CUEDC1: variants seen among roughly 807,000 people sequenced by gnomAD.
CUEDC1 encodes the protein CUE domain-containing protein 1.
Under a neutral mutation model 43.7 loss-of-function variants are expected in CUEDC1, and 30 were observed. That is an observed-to-expected ratio of 0.69 (90% CI 0.51 to 0.93). The LOEUF is 0.93. Ranked by LOEUF, CUEDC1 falls within the 40% of genes least tolerant of loss-of-function variation. The pLI, the probability that CUEDC1 is intolerant of heterozygous loss-of-function variation, is 0.00. For synonymous variants in CUEDC1, 223 were observed against 223.6 expected, an observed-to-expected ratio of 1.00 and a Z score of 0.02; for missense variants, 486 against 549.0, an observed-to-expected ratio of 0.89 and a Z score of 1.15.
intron 1 of CUEDC1, among the ~76,000 whole-genome samples, chr17:57,946,042 T>C (rs530854827): frequency 6.6e-6 from 1 of 152,126 alleles, no homozygotes; most frequent in Admixed American, 6.6e-5. Context: ...GTAATATTAT[T>C]ACTCCCACTG....
intron 1 of CUEDC1, among the ~76,000 whole-genome samples, chr17:57,896,487 G>GGGGGTGTGT (rs375270781): frequency 3.8e-4 from 49 of 130,370 alleles, no homozygotes; most frequent in Admixed American, 2.0e-3. Flanking sequence ...TGCATTATGG[G>GGGGGTGTGT]GTGTGTGTGT....
At chr17:57,914,150 C>G (rs1024416076) in intron 1 of CUEDC1, among the ~76,000 whole-genome samples, 2 of 152,160 alleles carry the variant, frequency 1.3e-5, no homozygotes, top group African/African-American at 4.8e-5. Flanking sequence ...CAGCATAGAG[C>G]AGGCAAGGAA....
chr17:57,914,301 C>G (rs531574398), intron 1 of CUEDC1, among the ~76,000 whole-genome samples: 1 of 152,256 alleles, frequency 6.6e-6, no homozygotes, highest in African/African-American at 2.4e-5. Context: ...GAGAGAGAAG[C>G]CTGAGACACA....
chr17:57,943,172 G>C (rs1460480099), intron 1 of CUEDC1, among the ~76,000 whole-genome samples: 4 of 152,196 alleles, frequency 2.6e-5, no homozygotes, highest in Non-Finnish European at 1.5e-5. Context: ...TGGTGACAGT[G>C]GCAGTGACCG....
rs879685950 is a variant in CUEDC1, at chr17:57,954,246, G to A, written c.-316+979C>T. On this transcript the variant is annotated intron_variant, in intron 1 of 10. Coordinates refer to ENST00000577830, the MANE Select transcript of CUEDC1 (RefSeq NM_001271875.2). This position sits in a 1 kb window ranked among gnomAD's most constrained non-coding sequence, Gnocchi z 4.3. ...AAGACGCTGACTGCGGATCAGGTGG[G>A]GAGCACGGTGGATGGTCTTCTTGTA... 6.6e-6 allele frequency among the ~76,000 whole-genome samples: 1 copy of A among 152,110 alleles called. No individual in the cohort carries two copies. The highest frequency in any genetic ancestry group is 1.5e-5 in the Non-Finnish European group (1 of 68,020).
intron 1 of CUEDC1, among the ~76,000 whole-genome samples, chr17:57,928,870 T>C (rs2074776159): frequency 6.6e-6 from 1 of 151,912 alleles, no homozygotes; most frequent in South Asian, 2.1e-4. Context: ...TTTCCTACTC[T>C]GTGTTTATTA....
At chr17:57,903,917 C>CAG (rs762657692) in intron 1 of CUEDC1, among the ~76,000 whole-genome samples, 10 of 147,268 alleles carry the variant, frequency 6.8e-5, no homozygotes, top group South Asian at 4.3e-4. Context: ...GCCTGGGTGA[C>CAG]AGAGAGAGAG....
intron 1 of CUEDC1, among the ~76,000 whole-genome samples, chr17:57,894,404 C>T (rs1016048892): frequency 2.0e-5 from 3 of 152,222 alleles, no homozygotes; most frequent in Non-Finnish European, 2.9e-5. Flanking sequence ...GGCTTGGTGG[C>T]TCATGCCTGT....
At chr17:57,916,781 C>T (rs2074646728) in intron 1 of CUEDC1, among the ~76,000 whole-genome samples, 2 of 152,222 alleles carry the variant, frequency 1.3e-5, no homozygotes, top group Non-Finnish European at 2.9e-5. Context: ...ACAGTGAGCA[C>T]TTACTTTACA....
At chr17:57,901,009 G>C (rs1354068052) in intron 1 of CUEDC1, among the ~76,000 whole-genome samples, 1 of 152,178 alleles carries the variant, frequency 6.6e-6, no homozygotes, top group Non-Finnish European at 1.5e-5. Context: ...TATTAAATCA[G>C]AATCTCTGAG....
intron 3 of CUEDC1, 117 bp downstream of exon 3, chr17:57,879,494 G>A: frequency 7.8e-7 from 1 of 1,285,628 alleles, no homozygotes; most frequent in East Asian, 3.3e-5. Flanking sequence ...TGCAGTAGAA[G>A]CCTGTTCTTT....
At chr17:57,928,502 T>C (rs562989678) in intron 1 of CUEDC1, among the ~76,000 whole-genome samples, 104 of 138,958 alleles carry the variant, frequency 7.5e-4, no homozygotes, top group African/African-American at 2.8e-3. Flanking sequence ...TGAGCTGAGA[T>C]CGCCACTGCA....
chr17:57,932,281 C>CAAAAAAAAAAAA (rs56137797), intron 1 of CUEDC1, among the ~76,000 whole-genome samples: 6 of 121,954 alleles, frequency 4.9e-5, no homozygotes, highest in African/African-American at 1.3e-4. Context: ...CACTGTGTCT[C>CAAAAAAAAAAAA]AAAAAAAAAA....
intron 1 of CUEDC1, among the ~76,000 whole-genome samples, chr17:57,919,990 T>G (rs2074683408): frequency 6.6e-6 from 1 of 152,210 alleles, no homozygotes; most frequent in African/African-American, 2.4e-5. Context: ...TGCCAGGCAC[T>G]GGACTAAGTG....
At chr17:57,871,137 A>G (rs987095218) in intron 6 of CUEDC1, 149 bp downstream of exon 6, 5 of 663,762 alleles carry the variant, frequency 7.5e-6, no homozygotes, top group Non-Finnish European at 1.1e-5. Context: ...TGGGGGCAGA[A>G]GCAGCCCCGC....
intron 6 of CUEDC1, among the ~76,000 whole-genome samples, chr17:57,870,898 G>C (rs1162999772): frequency 6.6e-6 from 1 of 152,142 alleles, no homozygotes; most frequent in African/African-American, 2.4e-5. Context: ...GCCCAGGCTG[G>C]TCTTGAACTC....
At chr17:57,920,423 C>T (rs1368837418) in intron 1 of CUEDC1, among the ~76,000 whole-genome samples, 1 of 152,150 alleles carries the variant, frequency 6.6e-6, no homozygotes, top group Non-Finnish European at 1.5e-5. Flanking sequence ...TGCACACACA[C>T]ACACACAGCT....
intron 3 of CUEDC1, among the ~76,000 whole-genome samples, chr17:57,873,980 G>A (rs2074074200): frequency 6.6e-6 from 1 of 152,182 alleles, no homozygotes; most frequent in Non-Finnish European, 1.5e-5. Context: ...TCTGTCCACG[G>A]TGCACATGTG....
chr17:57,940,355 C>G (rs975896356), intron 1 of CUEDC1, among the ~76,000 whole-genome samples: 18 of 152,274 alleles, frequency 1.2e-4, no homozygotes, highest in African/African-American at 4.1e-4. Flanking sequence ...TCCTTTAGAT[C>G]GGCAAAGACA....
Sources: allele counts gnomAD v4.1 joint callset (sites outside exome capture counted in the v4.1 genomes callset), GRCh38; gene constraint gnomAD v4.1.1; non-coding constraint Gnocchi (gnomAD v3.1); transcripts MANE v1.5; gene names NCBI Gene and HGNC (gene_info 2026-07-23, HGNC 2026-07-21).